Variants in LRP2 observed in about 807,000 individuals in gnomAD.
LRP2 encodes low-density lipoprotein receptor-related protein 2.
Under a neutral mutation model 531.0 loss-of-function variants are expected in LRP2, and 172 were observed. The observed-to-expected ratio is 0.32, with a 90% CI of 0.29 to 0.37. The LOEUF (loss-of-function observed/expected upper bound fraction) is 0.37, where lower values mean the gene tolerates loss of function less well. Among genes scored for constraint, LRP2 ranks in the 10% least tolerant of loss-of-function variants. The pLI, the probability that LRP2 is intolerant of heterozygous loss-of-function variation, is 1.00. For synonymous variants in LRP2, 1,992 were observed against 2,027.6 expected (o/e 0.98, Z 0.47); for missense variants, 5,167 against 5,868.3 (o/e 0.88, Z 3.90).
At chr2:169,351,655 A>G (rs1685852487) in intron 1 of LRP2, among the ~76,000 whole-genome samples, 1 of 152,174 alleles carries the variant, frequency 6.6e-6, no homozygotes, top group Non-Finnish European at 1.5e-5. Flanking sequence ...AGGAAAGAGG[A>G]GAAGATATAA....
chr2:169,218,755 A>G (rs1456405588), intron 34 of LRP2, among the ~76,000 whole-genome samples: 1 of 152,088 alleles, frequency 6.6e-6, no homozygotes, highest in Non-Finnish European at 1.5e-5. Flanking sequence ...CCTGGCTCAT[A>G]AAAACCTCCC....
intron 75 of LRP2, among the ~76,000 whole-genome samples, chr2:169,138,029 C>T (rs1685582534): frequency 6.6e-6 from 1 of 151,994 alleles, no homozygotes; most frequent in Admixed American, 6.6e-5. Flanking sequence ...TTTGGTCCTC[C>T]CAGGAGGTAT....
At chr2:169,205,405 T>C (rs2105331125) in intron 41 of LRP2, 74 bp downstream of exon 41, 2 of 1,516,544 alleles carry the variant, frequency 1.3e-6, no homozygotes, top group East Asian at 2.3e-5. Flanking sequence ...CATCACATGA[T>C]GCAAATCCCT....
At chr2:169,238,386 T>C (rs1471590815) in intron 26 of LRP2, 84 bp from the exon 27 acceptor site, 2 of 991,622 alleles carry the variant, frequency 2.0e-6, no homozygotes, top group East Asian at 2.6e-5. Context: ...TTCAATACTT[T>C]TGGTAACAGA....
intron 51 of LRP2, 49 bp from the exon 52 acceptor site, chr2:169,181,667 G>C: frequency 6.4e-7 from 1 of 1,555,850 alleles, no homozygotes; most frequent in Non-Finnish European, 8.8e-7. Flanking sequence ...AAAGAAGTCA[G>C]TAGCCAAAAT....
At chr2:169,257,888 A>G (rs1460385904) in intron 17 of LRP2, among the ~76,000 whole-genome samples, 1 of 151,860 alleles carries the variant, frequency 6.6e-6, no homozygotes, top group Non-Finnish European at 1.5e-5. Context: ...CTTTTATGGG[A>G]TCCAGAGGAA....
rs1685194198 is a variant in LRP2, at chr2:169,129,080, G to A, written c.13733C>T (p.Thr4578Ile). The stretch of plus-strand genomic sequence containing the variant: ...TTTTCGTTTGAAGAGATTCCATTTT[G>A]TCACCTAAATGAAAAGGGGAAAACA... ...TSPAADGTQV[T>I]KWNLFKRKSK... The change falls in exon 78 of 79, where the codon ACA (threonine) becomes ATA (isoleucine). Residue 4578 changes from threonine to isoleucine, a missense_variant. Thr to Ile is a moderately conservative substitution (Grantham distance 89, BLOSUM62 -1). Coordinates refer to ENST00000649046, the MANE Select transcript of LRP2 (RefSeq NM_004525.3). 7 of 1,605,650 alleles carry A rather than the reference G, an allele frequency of 4.4e-6. No individual in the cohort carries two copies. Among genetic ancestry groups the A allele is most frequent in the African/African-American group, 1.3e-5 (1 of 74,772 alleles).
At chr2:169,256,344 A>C in intron 18 of LRP2, 108 bp from the exon 19 acceptor site, 1 of 774,356 alleles carries the variant, frequency 1.3e-6, no homozygotes, top group Non-Finnish European at 2.0e-6. Context: ...TTATTAAACA[A>C]AGTTTTTAAA....
At chr2:169,284,260 T>TTTA (rs1683786061) in intron 9 of LRP2, among the ~76,000 whole-genome samples, 1 of 118,360 alleles carries the variant, frequency 8.4e-6, no homozygotes, top group Non-Finnish European at 1.7e-5. Context: ...TTTTTTCTTT[T>TTTA]TTTTTTTTTT....
intron 19 of LRP2, among the ~76,000 whole-genome samples, chr2:169,254,280 T>C (rs1361952110): frequency 1.2e-5 from 1 of 81,288 alleles, no homozygotes; most frequent in Non-Finnish European, 2.2e-5. Context: ...TAAGAAAACG[T>C]GGCACATATA....
intron 16 of LRP2, among the ~76,000 whole-genome samples, chr2:169,263,736 G>A (rs991764683): frequency 1.1e-4 from 17 of 152,040 alleles, no homozygotes; most frequent in Admixed American, 6.6e-5. Context: ...CCCAGCCATC[G>A]CATTACTGGG....
intron 35 of LRP2, among the ~76,000 whole-genome samples, chr2:169,215,999 GA>G (rs922605929): frequency 1.3e-5 from 2 of 151,018 alleles, no homozygotes; most frequent in East Asian, 1.9e-4. Context: ...TTATCTTGAA[GA>G]AAAAAAAACG....
At chr2:169,328,302 C>A (rs1685169674) in intron 1 of LRP2, among the ~76,000 whole-genome samples, 1 of 140,310 alleles carries the variant, frequency 7.1e-6, no homozygotes, top group African/African-American at 2.6e-5. Context: ...GGTCAGCCCC[C>A]CGCCCGGCCA....
chr2:169,143,000 C>T (rs961871049), intron 70 of LRP2, among the ~76,000 whole-genome samples: 1 of 152,178 alleles, frequency 6.6e-6, no homozygotes. Flanking sequence ...CTGGGCCCTC[C>T]AGCCAATTTC....
intron 16 of LRP2, among the ~76,000 whole-genome samples, chr2:169,260,780 T>C (rs1690514125): frequency 6.6e-6 from 1 of 151,796 alleles, no homozygotes; most frequent in Non-Finnish European, 1.5e-5. Context: ...AGGTGTGAAA[T>C]TATTCAGAGA....
rs750939831 is a variant in LRP2 at position 169,206,088 on chromosome 2, C to G, written c.7491G>C (p.Gly2497=). The change falls in exon 40 of 79, where the codon GGG becomes GGC. Residue 2497 remains glycine, a synonymous_variant. Transcript: ENST00000649046. ...NQMINSMAED[G]SNRTVIARVP... ...CGCGGGCTATCACAGTGCGGTTAGACCCATCTTCAGCCATGGAATTAATCA... is the reference window on the plus strand; with the variant it reads ...CGCGGGCTATCACAGTGCGGTTAGAGCCATCTTCAGCCATGGAATTAATCA... 2.5e-6 allele frequency: 4 copies of G among 1,614,052 alleles called. No individual in the cohort carries two copies. The highest frequency in any genetic ancestry group is 3.4e-6 in the Non-Finnish European group (4 of 1,180,040).
intron 62 of LRP2, among the ~76,000 whole-genome samples, chr2:169,163,991 C>T (rs1442000010): frequency 6.6e-6 from 1 of 152,192 alleles, no homozygotes; most frequent in African/African-American, 2.4e-5. Flanking sequence ...CCCAGAGTGG[C>T]CATGTAATTT....
chr2:169,301,357 C>A (rs535115613), intron 4 of LRP2, among the ~76,000 whole-genome samples: 1 of 151,106 alleles, frequency 6.6e-6, no homozygotes, highest in African/African-American at 2.4e-5. Context: ...GATGCTAATC[C>A]CATTAGAAGT....
intron 1 of LRP2, among the ~76,000 whole-genome samples, chr2:169,324,363 T>C (rs1684987192): frequency 6.6e-6 from 1 of 152,170 alleles, no homozygotes; most frequent in Admixed American, 6.5e-5. Context: ...ATCTGATTTT[T>C]TTCCCCCAAA....
Sources: gnomAD v4.1 joint callset for allele counts (sites outside exome capture counted in the v4.1 genomes callset) on GRCh38, gnomAD v4.1.1 for gene constraint, MANE v1.5 for transcripts, NCBI Gene and HGNC (gene_info 2026-07-23, HGNC 2026-07-21) for gene names.